ATP1A2: variants seen among roughly 807,000 people sequenced by gnomAD.
The protein encoded by ATP1A2 is ATPase Na+/K+ transporting subunit alpha 2, also known as sodium/potassium-transporting ATPase subunit alpha-2.
In ATP1A2, 56 loss-of-function variants were observed where a neutral mutation model predicts 113.1. The observed-to-expected ratio is 0.49, with a 90% CI of 0.40 to 0.62. The LOEUF (loss-of-function observed/expected upper bound fraction) is 0.62. Among genes scored for constraint, ATP1A2 ranks in the 20% least tolerant of loss-of-function variants. The pLI is 0.00. For missense variants in ATP1A2, 712 were observed against 1,357.8 expected (o/e 0.52, Z 7.47); for synonymous variants, 490 against 526.8 (o/e 0.93, Z 0.96).
intron 13 of ATP1A2, among the ~76,000 whole-genome samples, chr1:160,131,083 G>A (rs927267857): frequency 6.6e-6 from 1 of 152,072 alleles, no homozygotes; most frequent in African/African-American, 2.4e-5. Context: ...TCTGTGCTAT[G>A]TTTGTTCTTC....
chr1:160,139,627 C>T lies in ATP1A2; in HGVS notation c.2841-13C>T, dbSNP rs753546900. 1 of 1,613,582 alleles carries T rather than the reference C, an allele frequency of 6.2e-7. No homozygotes were observed. The highest frequency in any genetic ancestry group is 8.5e-7 in the Non-Finnish European group (1 of 1,179,776). On this transcript the variant is annotated splice_polypyrimidine_tract_variant and intron_variant, in intron 20 of 22. Coordinates refer to ENST00000361216, the MANE Select transcript of ATP1A2 (RefSeq NM_000702.4). ...TCCCCCTTCACCTGCCACCTCCTTT[C>T]TTTGCCTTTCAGGAACAAGATCCTG...
intron 1 of ATP1A2, 115 bp from the exon 2 acceptor site, chr1:160,120,791 C>T (rs1651367783): frequency 9.2e-7 from 1 of 1,082,562 alleles, no homozygotes. Context: ...TCCCCCAAGG[C>T]AGCCGCTGCT....
At position 160,141,400 on chromosome 1, in the gene ATP1A2, GA is replaced by G; in HGVS notation, c.*81del. ...GTGGGGATGGTGATGGAGAGGGATG[GA>G]AATAACGGGTGGCATTGGGTGGCAA... On this transcript the variant is annotated 3_prime_UTR_variant, in exon 23 of 23. Coordinates refer to ENST00000361216, the MANE Select transcript of ATP1A2 (RefSeq NM_000702.4). 1 of 1,582,228 alleles carries G rather than the reference GA, an allele frequency of 6.3e-7. No individual in the cohort carries two copies. Among genetic ancestry groups the G allele is most frequent in the South Asian group, 1.1e-5 (1 of 90,276 alleles).
At chr1:160,136,538 C>A (rs1254564295) in intron 18 of ATP1A2, 32 bp from the exon 19 acceptor site, 5 of 1,614,084 alleles carry the variant, frequency 3.1e-6, no homozygotes, top group Admixed American at 3.3e-5. Context: ...CCTGCTCTGA[C>A]CCTGCCCCTG....
intron 20 of ATP1A2, 104 bp from the exon 21 acceptor site, chr1:160,139,536 C>T (rs896579178): frequency 3.6e-5 from 34 of 955,180 alleles, no homozygotes; most frequent in East Asian, 2.1e-4. Context: ...GCGACTATGT[C>T]GTTTAGAATT....
Position 160,139,726 on chromosome 1 carries a change from G to T in ATP1A2, c.2927G>T (p.Arg976Leu). ...TGCCCAGGCATGGGTGTAGCCCTCC[G>T]CATGTACCCGCTCAAGTGAGTGTCT... ...SYCPGMGVAL[R>L]MYPLKVTWWF... The change falls in exon 21 of 23, where the codon CGC becomes CTC. Residue 976 changes from arginine to leucine, a missense_variant. Arg to Leu is a moderately radical substitution (Grantham distance 102). Coordinates refer to ENST00000361216, the MANE Select transcript of ATP1A2 (RefSeq NM_000702.4). 6.2e-7 allele frequency: 1 copy of T among 1,614,162 alleles called. No homozygotes were observed. Among genetic ancestry groups the T allele is most frequent in the Non-Finnish European group, 8.5e-7 (1 of 1,180,012 alleles).
At position 160,124,281 on chromosome 1, in the gene ATP1A2, T is replaced by C. The variant is rs1057522605; in HGVS notation, c.496-15T>C. ...AGAGACAAGCATTTCATGAGCTGCCTGTGGCTCCCCACAGCAAGCCCTTGT... is the reference window on the plus strand; with the variant it reads ...AGAGACAAGCATTTCATGAGCTGCCCGTGGCTCCCCACAGCAAGCCCTTGT... On this transcript the variant is annotated splice_polypyrimidine_tract_variant and intron_variant, in intron 5 of 22. Transcript: ENST00000361216. 4 of 1,591,974 alleles carry C rather than the reference T, an allele frequency of 2.5e-6. No homozygotes were observed. In the South Asian group the frequency reaches 3.4e-5, roughly 14 times the overall value.
chr1:160,131,474 G>C (rs533874037), intron 13 of ATP1A2, among the ~76,000 whole-genome samples: 1 of 152,186 alleles, frequency 6.6e-6, no homozygotes, highest in African/African-American at 2.4e-5. Flanking sequence ...GGGTGTATGT[G>C]GTTTCTGAAC....
In ATP1A2 at chr1:160,120,276, A is replaced by C. The variant is rs865785483; in HGVS notation, c.13-630A>C. 5.3e-5 allele frequency among the ~76,000 whole-genome samples: 8 copies of C among 152,120 alleles called. 1 individual carries two copies. The Middle Eastern group carries it at 0.014, about 259-fold the overall frequency. ...CACACCCCATGTCTCCACTTCCTGG[A>C]CATGCCCTGACTCTCCAGCTACTGC... On this transcript the variant is annotated intron_variant, in intron 1 of 22. Coordinates refer to ENST00000361216, the MANE Select transcript of ATP1A2 (RefSeq NM_000702.4).
rs141467566 is a variant in ATP1A2 at position 160,130,436 on chromosome 1, A to T, written c.1666A>T (p.Asn556Tyr). The T allele has an allele frequency of 2.6e-4, 423 of 1,614,044 alleles. No homozygotes were observed. The highest frequency in any genetic ancestry group is 3.5e-4 in the Non-Finnish European group (415 of 1,180,026). Reference protein sequence around the residue: ...GERVLGFCQLNLPSGKFPRGF... With the variant: ...GERVLGFCQLYLPSGKFPRGF... ...CCCCCCTTTAGGATTCTGTCAACTG[A>T]ATCTGCCATCTGGAAAGTTTCCTCG... Residue 556 changes from asparagine to tyrosine, a missense_variant, in exon 13 of 23, where the codon AAT becomes TAT. Physicochemically the swap from Asn to Tyr is moderately radical, Grantham distance 143 (BLOSUM62 -2). Transcript: ENST00000361216.
intron 13 of ATP1A2, among the ~76,000 whole-genome samples, chr1:160,131,762 C>T (rs1651782874): frequency 1.3e-5 from 2 of 151,012 alleles, no homozygotes; most frequent in African/African-American, 4.9e-5. Flanking sequence ...ACCCGGGAGG[C>T]AGAGGTTGCA....
Position 160,136,613 on chromosome 1 carries a change from C to A in ATP1A2, c.2607C>A (p.Ile869=). The part of the protein sequence containing the change: ...ALGGFFTYFV[I]LAENGFLPSR... ...GTGGCTTCTTCACCTACTTTGTGAT[C>A]CTGGCAGAGAACGGTTTCCTGCCAT... The change falls in exon 19 of 23, where the codon ATC becomes ATA. Residue 869 remains isoleucine (I), a synonymous_variant. Coordinates refer to ENST00000361216, the MANE Select transcript of ATP1A2 (RefSeq NM_000702.4). The A allele has an allele frequency of 3.1e-6, 5 of 1,614,246 alleles. No individual in the cohort carries two copies. The highest frequency in any genetic ancestry group is 4.2e-6 in the Non-Finnish European group (5 of 1,180,050).
In ATP1A2 at chr1:160,135,819, C is replaced by T. The variant is rs1558008686; in HGVS notation, c.2285-20C>T. 6.2e-7 allele frequency: 1 copy of T among 1,614,138 alleles called. No homozygotes were observed. The highest frequency in any genetic ancestry group is 8.5e-7 in the Non-Finnish European group (1 of 1,180,026). ...AAGAGTCCCTCTGACCTCCCTGATG[C>T]CCTCAGAATCTCCCCACAGGCCGCC... On this transcript the variant is annotated intron_variant, in intron 16 of 22. Coordinates refer to ENST00000361216, the MANE Select transcript of ATP1A2 (RefSeq NM_000702.4). The surrounding 1 kb of genome is among the most constrained non-coding windows in gnomAD (Gnocchi z 6.3).
intron 20 of ATP1A2, 96 bp from the exon 21 acceptor site, chr1:160,139,544 A>T: frequency 9.7e-7 from 1 of 1,027,296 alleles, no homozygotes; most frequent in Non-Finnish European, 1.5e-6. Flanking sequence ...GTCGTTTAGA[A>T]TTCTCTCTCC....
chr1:160,133,394 C>G (rs1414168069), intron 13 of ATP1A2, among the ~76,000 whole-genome samples: 1 of 152,026 alleles, frequency 6.6e-6, no homozygotes, highest in Non-Finnish European at 1.5e-5. Context: ...TTTCAGTATC[C>G]ATAGGACTTG....
intron 13 of ATP1A2, among the ~76,000 whole-genome samples, chr1:160,133,935 T>C (rs1004526757): frequency 1.3e-5 from 2 of 152,018 alleles, no homozygotes; most frequent in African/African-American, 4.8e-5. Context: ...ACTATCTCTC[T>C]CTAACCCTCT....
chr1:160,123,156 G>A, intron 3 of ATP1A2, 57 bp from the exon 4 acceptor site: 1 of 1,594,904 alleles, frequency 6.3e-7, no homozygotes, highest in Non-Finnish European at 8.6e-7. Context: ...GATGGGCATG[G>A]TGACTGGCTG....
At position 160,123,091 on chromosome 1, in the gene ATP1A2, C is replaced by T. The variant is rs1651467912; in HGVS notation, c.178-122C>T. 6.9e-6 allele frequency: 8 copies of T among 1,161,744 alleles called. No homozygotes were observed. In the South Asian group the frequency reaches 1.0e-4, roughly 15 times the overall value. The allele number at this position is 1,161,744 out of a possible 1,614,324, so 72.0% of individuals were successfully genotyped here. On this transcript the variant is annotated intron_variant, in intron 3 of 22. Coordinates refer to ENST00000361216, the MANE Select transcript of ATP1A2 (RefSeq NM_000702.4). ...CTCTCCTGATGGTCCCCCACCCCTT[C>T]CAACCAGGTGGGACTTTCCTTCTGG...
intron 18 of ATP1A2, 26 bp from the exon 19 acceptor site, chr1:160,136,544 C>T (rs749684288): frequency 1.9e-6 from 3 of 1,614,218 alleles, no homozygotes; most frequent in Admixed American, 1.7e-5. Flanking sequence ...CTGACCCTGC[C>T]CCTGCCTTTG....
Sources: allele counts gnomAD v4.1 joint callset (sites outside exome capture counted in the v4.1 genomes callset), GRCh38; gene constraint gnomAD v4.1.1; non-coding constraint Gnocchi (gnomAD v3.1); transcripts MANE v1.5; gene names NCBI Gene and HGNC (gene_info 2026-07-23, HGNC 2026-07-21).